ARHGAP42: variants seen among roughly 807,000 people sequenced by gnomAD.
The protein encoded by ARHGAP42 is Rho GTPase activating protein 42.
In ARHGAP42, 63 loss-of-function variants were observed where a neutral mutation model predicts 125.0. The observed-to-expected ratio is 0.50, with a 90% CI of 0.41 to 0.62. The LOEUF is 0.62. ARHGAP42 is among the 20% of genes least tolerant of loss of function. ARHGAP42 has a pLI of 0.00. For missense variants in ARHGAP42, 766 were observed against 1,024.2 expected, an observed-to-expected ratio of 0.75 and a Z score of 3.44; for synonymous variants, 339 against 351.0, an observed-to-expected ratio of 0.97 and a Z score of 0.38.
chr11:100,748,948 TTC>T (rs887805547), intron 1 of ARHGAP42, among the ~76,000 whole-genome samples: 1 of 152,076 alleles, frequency 6.6e-6, no homozygotes, highest in Non-Finnish European at 1.5e-5. Flanking sequence ...CTCTGTCTCT[TTC>T]TCTCTGACTC....
intron 12 of ARHGAP42, among the ~76,000 whole-genome samples, chr11:100,951,323 C>T (rs927068220): frequency 1.3e-5 from 2 of 152,016 alleles, no homozygotes; most frequent in Non-Finnish European, 2.9e-5. Flanking sequence ...AGTATAAAAT[C>T]CTTTATTGCC....
At chr11:100,710,739 C>T (rs1422667512) in intron 1 of ARHGAP42, among the ~76,000 whole-genome samples, 1 of 152,018 alleles carries the variant, frequency 6.6e-6, no homozygotes, top group Non-Finnish European at 1.5e-5. Context: ...CAGGGTTTCA[C>T]CATGTTGGCC....
intron 3 of ARHGAP42, among the ~76,000 whole-genome samples, chr11:100,804,700 G>T (rs970135954): frequency 1.3e-5 from 2 of 151,994 alleles, no homozygotes; most frequent in African/African-American, 4.8e-5. Flanking sequence ...TTTTATTAGA[G>T]ATGGGGTTTC....
chr11:100,776,981 C>CAA (rs71053146), intron 2 of ARHGAP42, among the ~76,000 whole-genome samples: 25 of 108,782 alleles, frequency 2.3e-4, no homozygotes, highest in East Asian at 7.3e-4. Flanking sequence ...AACACTGTCT[C>CAA]AAAAAAAAAA....
intron 3 of ARHGAP42, among the ~76,000 whole-genome samples, chr11:100,824,142 C>A (rs2135081227): frequency 6.6e-6 from 1 of 152,230 alleles, no homozygotes; most frequent in African/African-American, 2.4e-5. Flanking sequence ...TATCCCCCAC[C>A]CACCGGCAGC....
chr11:100,795,195 A>G, intron 3 of ARHGAP42, 29 bp downstream of exon 3: 1 of 1,476,956 alleles, frequency 6.8e-7, no homozygotes, highest in Non-Finnish European at 9.1e-7. Context: ...TCTTAAGAAT[A>G]TTGCTTTGTT....
chr11:100,905,260 T>C (rs933196527), intron 4 of ARHGAP42, among the ~76,000 whole-genome samples: 3 of 152,216 alleles, frequency 2.0e-5, no homozygotes, highest in African/African-American at 7.2e-5. Flanking sequence ...TGGGAATCAA[T>C]AGCTTAAAAA....
intron 4 of ARHGAP42, among the ~76,000 whole-genome samples, chr11:100,862,727 T>C (rs960237643): frequency 1.3e-5 from 2 of 152,028 alleles, no homozygotes; most frequent in Non-Finnish European, 2.9e-5. Context: ...AAGTGAATAG[T>C]GAATTAAAAA....
chr11:100,806,856 T>TATTTATTC (rs1864006454), intron 3 of ARHGAP42, among the ~76,000 whole-genome samples: 1 of 151,300 alleles, frequency 6.6e-6, no homozygotes, highest in African/African-American at 2.4e-5. Context: ...TTTATTTATT[T>TATTTATTC]ATTTATTTTT....
At chr11:100,790,350 T>G (rs1479082484) in intron 2 of ARHGAP42, among the ~76,000 whole-genome samples, 2 of 152,224 alleles carry the variant, frequency 1.3e-5, no homozygotes, top group Non-Finnish European at 2.9e-5. Flanking sequence ...TAGTTTTTTT[T>G]TTTGTTCTGA....
intron 1 of ARHGAP42, among the ~76,000 whole-genome samples, chr11:100,711,012 A>G (rs568873023): frequency 6.6e-6 from 1 of 152,276 alleles, no homozygotes; most frequent in African/African-American, 2.4e-5. Flanking sequence ...CTGTCCCTTT[A>G]TATTTAGTAC....
At chr11:100,760,060 C>T (rs932916826) in intron 1 of ARHGAP42, among the ~76,000 whole-genome samples, 6 of 152,198 alleles carry the variant, frequency 3.9e-5, no homozygotes, top group South Asian at 2.1e-4. Context: ...AAATTAACCA[C>T]ATGCACCATC....
chr11:100,835,593 G>A (rs982674122), intron 3 of ARHGAP42, among the ~76,000 whole-genome samples: 1 of 152,094 alleles, frequency 6.6e-6, no homozygotes, highest in Non-Finnish European at 1.5e-5. Flanking sequence ...GAAACTCAGG[G>A]TAGCAGTGGT....
intron 21 of ARHGAP42, among the ~76,000 whole-genome samples, chr11:100,977,215 G>A (rs1858416824): frequency 6.6e-6 from 1 of 152,180 alleles, no homozygotes. Flanking sequence ...GCAGAGCTAT[G>A]ACTTAATTTG....
intron 1 of ARHGAP42, among the ~76,000 whole-genome samples, chr11:100,688,198 G>C (rs1861123680): frequency 6.6e-6 from 1 of 152,036 alleles, no homozygotes; most frequent in South Asian, 2.1e-4. Context: ...GGGGAATCAA[G>C]AGTTTGTCTT....
chr11:100,986,595 G>A (rs1442592946), intron 22 of ARHGAP42, among the ~76,000 whole-genome samples: 2 of 152,140 alleles, frequency 1.3e-5, no homozygotes, highest in African/African-American at 2.4e-5. Flanking sequence ...GGGAATAGAG[G>A]TTCTAGGAAG....
At chr11:100,832,507 C>G (rs1167806313) in intron 3 of ARHGAP42, among the ~76,000 whole-genome samples, 1 of 152,162 alleles carries the variant, frequency 6.6e-6, no homozygotes, top group Non-Finnish European at 1.5e-5. Context: ...AACTTATACA[C>G]AAATCTAAAA....
At chr11:100,825,615 C>T (rs1241515810) in intron 3 of ARHGAP42, among the ~76,000 whole-genome samples, 1 of 152,128 alleles carries the variant, frequency 6.6e-6, no homozygotes, top group Non-Finnish European at 1.5e-5. Context: ...GAGCTTCCTC[C>T]AGTACCGTGT....
intron 2 of ARHGAP42, among the ~76,000 whole-genome samples, chr11:100,776,698 C>T (rs537678090): frequency 3.2e-4 from 48 of 152,222 alleles, no homozygotes; most frequent in Admixed American, 5.2e-4. Context: ...TAGCATCGGC[C>T]GGGCACAGTG....
Sources: gnomAD v4.1 joint callset for allele counts (sites outside exome capture counted in the v4.1 genomes callset) on GRCh38, gnomAD v4.1.1 for gene constraint, MANE v1.5 for transcripts, NCBI Gene and HGNC (gene_info 2026-07-23, HGNC 2026-07-21) for gene names.